Variants in OBI1 observed in about 807,000 individuals in gnomAD.
The protein encoded by OBI1 is ring finger protein 219.
In OBI1, 59 loss-of-function variants were observed where a neutral mutation model predicts 62.4. The observed-to-expected ratio is 0.95, with a 90% CI of 0.77 to 1.17. The LOEUF is 1.17. Among genes scored for constraint, OBI1 ranks in the 50% most tolerant of loss-of-function variants. The probability of loss-of-function intolerance (pLI) is 0.00; values close to 1 mark genes in which losing one functional copy is unlikely to be tolerated. For missense variants in OBI1, 875 were observed against 830.9 expected, an observed-to-expected ratio of 1.05 and a Z score of -0.65; for synonymous variants, 302 against 292.8, an observed-to-expected ratio of 1.03 and a Z score of -0.32.
chr13:78,629,062 G>A (rs1361073446), intron 5 of OBI1, among the ~76,000 whole-genome samples: 1 of 152,130 alleles, frequency 6.6e-6, no homozygotes, highest in African/African-American at 2.4e-5. Context: ...AATCAATGAA[G>A]TCTATTCCTT....
intron 1 of OBI1, among the ~76,000 whole-genome samples, chr13:78,646,982 T>C (rs1341031761): frequency 6.6e-6 from 1 of 152,224 alleles, no homozygotes. Flanking sequence ...ATTTAAGGGA[T>C]CTAGGGCTGT....
rs753436367 is a variant in OBI1 at position 78,616,685 on chromosome 13, C to T, written c.1076G>A (p.Ser359Asn). 6 of 1,614,040 alleles carry T rather than the reference C, an allele frequency of 3.7e-6. No homozygotes were observed. In the African/African-American group the frequency reaches 8.0e-5, roughly 22 times the overall value. The change falls in exon 6 of 6, where the codon AGT (serine) becomes AAT (asparagine). Residue 359 changes from serine to asparagine, a missense_variant. By Grantham distance (46) the Ser-to-Asn change is conservative (BLOSUM62 1). Coordinates refer to ENST00000282003, the MANE Select transcript of OBI1 (RefSeq NM_024546.4). The part of the protein sequence containing the change: ...VEVMLDVTDT[S>N]MDTYLEREWG... ...TTCTCTTTCCAAATAAGTATCCATA[C>T]TTGTATCTGTCACATCTAACATTAC...
rs113267798 is a variant in OBI1 at position 78,644,042 on chromosome 13, C to T, written c.208+820G>A. 1.3e-3 allele frequency among the ~76,000 whole-genome samples: 202 copies of T among 152,282 alleles called. 2 individuals carry two copies. Among genetic ancestry groups the T allele is most frequent in the African/African-American group, 4.4e-3 (183 of 41,556 alleles). On this transcript the variant is annotated intron_variant, in intron 2 of 5. Transcript: ENST00000282003. ...CTTTTCAAGGATCCTCTAGTTCAAG[C>T]TTTACTCCTCCCCCACCCCACCAAT...
rs557498494 is a variant in OBI1 at position 78,633,457 on chromosome 13, T to TG, written c.638+1652dup. Among the ~76,000 whole-genome samples, 177 of 152,284 alleles carry TG rather than the reference T, an allele frequency of 1.2e-3. 1 individual carries two copies. Among genetic ancestry groups the TG allele is most frequent in the African/African-American group, 4.1e-3 (169 of 41,590 alleles). ...CAAATGACAAGCAGAGAGCTATTTC[T>TG]GGTAGGATAAATTTCCATTGTTTGC... On this transcript the variant is annotated intron_variant, in intron 5 of 5. Transcript: ENST00000282003.
At chr13:78,633,661 C>T (rs901823850) in intron 5 of OBI1, among the ~76,000 whole-genome samples, 5 of 152,086 alleles carry the variant, frequency 3.3e-5, no homozygotes, top group East Asian at 3.9e-4. Context: ...GTGCTGTCTG[C>T]GATCTTTTCT....
intron 2 of OBI1, 100 bp downstream of exon 2, chr13:78,644,762 A>G: frequency 7.7e-7 from 1 of 1,303,704 alleles, no homozygotes; most frequent in Non-Finnish European, 1.1e-6. Flanking sequence ...TTGGCCAAAT[A>G]GCATCACTGA....
At position 78,655,677 on chromosome 13, in the gene OBI1, G is replaced by A. The variant is rs75394469; in HGVS notation, c.72+3372C>T. 7.8e-3 allele frequency among the ~76,000 whole-genome samples: 1,190 copies of A among 152,200 alleles called. 10 individuals are homozygous for A. The highest frequency in any genetic ancestry group is 0.031 in the South Asian group (150 of 4,816). On this transcript the variant is annotated intron_variant, in intron 1 of 5. Coordinates refer to ENST00000282003, the MANE Select transcript of OBI1 (RefSeq NM_024546.4). The stretch of plus-strand genomic sequence containing the variant: ...ATGGTATCCACCTTGTGACCCTCCA[G>A]GGATAATGGTCCTTAATTCTGTTGA...
intron 3 of OBI1, among the ~76,000 whole-genome samples, chr13:78,639,774 T>C: frequency 6.9e-6 from 1 of 144,890 alleles, no homozygotes; most frequent in East Asian, 2.1e-4. Flanking sequence ...TTCTCATTCA[T>C]AGGTGGGAAT....
chr13:78,620,111 A>G (rs769857140), intron 5 of OBI1, among the ~76,000 whole-genome samples: 1 of 152,166 alleles, frequency 6.6e-6, no homozygotes, highest in Non-Finnish European at 1.5e-5. Flanking sequence ...CAAATAGATG[A>G]GACTTTTGAC....
intron 5 of OBI1, among the ~76,000 whole-genome samples, chr13:78,631,031 T>G (rs150601437): frequency 3.3e-5 from 5 of 152,302 alleles, no homozygotes; most frequent in African/African-American, 1.2e-4. Context: ...TTATTATGTT[T>G]CATAGTTCTT....
Position 78,614,864 on chromosome 13 carries a change from CTAACA to C in OBI1, c.*711_*715del, listed in dbSNP as rs1433710122. On this transcript the variant is annotated 3_prime_UTR_variant, in exon 6 of 6. Transcript: ENST00000282003. ...ACGCAGAGGAGAAAATGTAAGCTAC[CTAACA>C]TAAAACAAATGTCTTCATATAGAAA... is the stretch of plus-strand genomic sequence containing the variant. 1 of 152,116 alleles carries C rather than the reference CTAACA, an allele frequency of 6.6e-6. No homozygotes were observed. Among genetic ancestry groups the C allele is most frequent in the Non-Finnish European group, 1.5e-5 (1 of 68,020 alleles). 9.4% of individuals were successfully genotyped at this position (152,116 alleles called of 1,614,324 possible).
intron 5 of OBI1, among the ~76,000 whole-genome samples, chr13:78,622,830 A>G (rs1875552256): frequency 1.3e-5 from 2 of 152,158 alleles, no homozygotes; most frequent in Admixed American, 6.5e-5. Context: ...TCTTGTGTAC[A>G]TGTGTGCAGG....
intron 5 of OBI1, among the ~76,000 whole-genome samples, chr13:78,626,842 G>A (rs774067821): frequency 3.3e-5 from 5 of 152,150 alleles, no homozygotes; most frequent in Admixed American, 6.5e-5. Context: ...CAAGGCAGGC[G>A]GATCATGAGG....
chr13:78,650,409 A>C (rs1276295780), intron 1 of OBI1, among the ~76,000 whole-genome samples: 1 of 152,174 alleles, frequency 6.6e-6, no homozygotes, highest in African/African-American at 2.4e-5. Flanking sequence ...GCCTTCTCTA[A>C]TGTTTTGTTC....
chr13:78,617,199 C>A, intron 5 of OBI1, 77 bp from the exon 6 acceptor site: 1 of 1,142,108 alleles, frequency 8.8e-7, no homozygotes, highest in East Asian at 2.5e-5. Context: ...CAAACTGTCC[C>A]AGGCTATTCT....
chr13:78,625,121 T>C (rs1566277248), intron 5 of OBI1, among the ~76,000 whole-genome samples: 1 of 152,184 alleles, frequency 6.6e-6, no homozygotes, highest in African/African-American at 2.4e-5. Context: ...GCCTTGAAAT[T>C]TGCAGGACAT....
At position 78,616,160 on chromosome 13, in the gene OBI1, TA is replaced by T; in HGVS notation, c.1600del (p.Tyr534ThrfsTer11). 6.2e-7 allele frequency: 1 copy of T among 1,614,158 alleles called. No homozygotes were observed. The highest frequency in any genetic ancestry group is 1.3e-5 in the African/African-American group (1 of 75,052). Reference protein sequence around the residue: ...TSSEASMDAAYLDKISELDSM... With the variant: ...TSSEASMDAAXLDKISELDSM... ...ATCCAACTCAGAGATTTTGTCAAGG[TA>T]AGCAGCATCCATCGATGCTTCACTG... is the stretch of plus-strand genomic sequence containing the variant. On this transcript the variant is annotated frameshift_variant, in exon 6 of 6. Coordinates refer to ENST00000282003, the MANE Select transcript of OBI1 (RefSeq NM_024546.4). LOFTEE classifies it high-confidence loss of function.
chr13:78,624,569 T>A (rs2137433936), intron 5 of OBI1, among the ~76,000 whole-genome samples: 1 of 152,284 alleles, frequency 6.6e-6, no homozygotes, highest in Non-Finnish European at 1.5e-5. Flanking sequence ...TAAAGGAAAT[T>A]CTTTGTGTGT....
At chr13:78,630,654 C>T (rs767644978) in intron 5 of OBI1, among the ~76,000 whole-genome samples, 23 of 152,096 alleles carry the variant, frequency 1.5e-4, no homozygotes, top group Non-Finnish European at 1.3e-4. Context: ...TCCCACAAAG[C>T]TCCTTTGTCC....
Sources: gnomAD v4.1 joint callset for allele counts (sites outside exome capture counted in the v4.1 genomes callset) on GRCh38, gnomAD v4.1.1 for gene constraint, MANE v1.5 for transcripts, NCBI Gene and HGNC (gene_info 2026-07-23, HGNC 2026-07-21) for gene names.